PAGE2B: variants seen among roughly 807,000 people sequenced by gnomAD.
PAGE2B encodes putative G antigen family E member 3.
PAGE2B carries 5 observed loss-of-function variants against 7.6 expected under a neutral mutation model. The ratio of observed to expected loss-of-function variants is 0.66; its 90% confidence interval spans 0.34 to 1.38. The LOEUF is 1.38. Ranked by LOEUF, PAGE2B falls within the 40% of genes most tolerant of loss-of-function variation. PAGE2B has a pLI of 0.04. For missense variants in PAGE2B, 70 were observed against 78.4 expected, an observed-to-expected ratio of 0.89 and a Z score of 0.41; for synonymous variants, 29 against 26.7, an observed-to-expected ratio of 1.09 and a Z score of -0.27.
At chrX:55,068,172 G>T in the PAGE2B span, among the ~76,000 whole-genome samples, 1 of 112,339 alleles carries the variant, frequency 8.9e-6, no homozygotes, top group African/African-American at 3.2e-5. Flanking sequence ...CTTTCTTCTA[G>T]GGTTTTTATG....
the PAGE2B span, among the ~76,000 whole-genome samples, chrX:55,040,148 T>A: frequency 9.1e-6 from 1 of 110,400 alleles, no homozygotes; most frequent in African/African-American, 3.3e-5. Flanking sequence ...CTCTTTTTTT[T>A]AATTATTATT....
At chrX:55,038,866 A>T in the PAGE2B span, among the ~76,000 whole-genome samples, 7 of 112,094 alleles carry the variant, frequency 6.2e-5, no homozygotes, top group Non-Finnish European at 1.1e-4. Flanking sequence ...GTCAAATAAA[A>T]TATAGAGACA....
chrX:55,052,550 A>T, the PAGE2B span, among the ~76,000 whole-genome samples: 1 of 112,172 alleles, frequency 8.9e-6, no homozygotes, highest in African/African-American at 3.2e-5. Context: ...TTGCAGTTTG[A>T]TCTCAGATTG....
At chrX:55,076,966 G>A (rs1052910935) in intron 3 of PAGE2B, among the ~76,000 whole-genome samples, 5 of 111,193 alleles carry the variant, frequency 4.5e-5, no homozygotes, top group Non-Finnish European at 9.4e-5. Flanking sequence ...TGTTGCTGTG[G>A]AAGAATGGCA....
At chrX:55,070,645 C>G (rs1167916814), upstream of PAGE2B, among the ~76,000 whole-genome samples, 1 of 111,117 alleles carries the variant, frequency 9.0e-6, no homozygotes, top group Middle Eastern at 4.2e-3. Flanking sequence ...TTAAAGTCTC[C>G]CATTATTATT....
chrX:55,063,303 C>T, the PAGE2B span, among the ~76,000 whole-genome samples: 1 of 110,835 alleles, frequency 9.0e-6, no homozygotes, highest in Admixed American at 9.6e-5. Flanking sequence ...TAAGCAAATT[C>T]CTAGTATTGT....
At chrX:55,029,508 T>C in the PAGE2B span, among the ~76,000 whole-genome samples, 2 of 111,935 alleles carry the variant, frequency 1.8e-5, no homozygotes, top group Admixed American at 1.9e-4. Flanking sequence ...TTAACCATTA[T>C]GGATCTGTGA....
the PAGE2B span, among the ~76,000 whole-genome samples, chrX:55,047,926 T>C: frequency 8.9e-6 from 1 of 112,153 alleles, no homozygotes; most frequent in African/African-American, 3.2e-5. Flanking sequence ...CTAGGTTTTC[T>C]TCTAGGGTTT....
chrX:55,039,255 T>C, the PAGE2B span, among the ~76,000 whole-genome samples: 1 of 111,203 alleles, frequency 9.0e-6, no homozygotes, highest in Non-Finnish European at 1.9e-5. Context: ...TCTGTTTTAG[T>C]TGGGTATGAC....
the PAGE2B span, among the ~76,000 whole-genome samples, chrX:55,064,101 T>A: frequency 6.3e-5 from 7 of 111,711 alleles, no homozygotes; most frequent in Non-Finnish European, 1.3e-4. Flanking sequence ...TCTCTCCTCC[T>A]CTATTTTTTG....
the PAGE2B span, among the ~76,000 whole-genome samples, chrX:55,036,031 G>C: frequency 9.0e-5 from 10 of 111,626 alleles, no homozygotes. Flanking sequence ...TTGTAAGCTG[G>C]ATTCCTAGGT....
chrX:55,061,526 G>C, the PAGE2B span, among the ~76,000 whole-genome samples: 3 of 111,213 alleles, frequency 2.7e-5, no homozygotes, highest in Non-Finnish European at 5.7e-5. Flanking sequence ...GGCATGCAAA[G>C]TGTAATAATC....
chrX:55,068,850 G>A, the PAGE2B span, among the ~76,000 whole-genome samples: 1 of 111,366 alleles, frequency 9.0e-6, no homozygotes, highest in African/African-American at 3.3e-5. Flanking sequence ...GTCTGTTATT[G>A]GTGTATAGGA....
At chrX:55,037,252 G>C in the PAGE2B span, among the ~76,000 whole-genome samples, 3 of 111,949 alleles carry the variant, frequency 2.7e-5, no homozygotes, top group Admixed American at 2.8e-4. Context: ...GATATGAACA[G>C]ACACTTCTCA....
chrX:55,055,054 C>T, the PAGE2B span: 1 of 111,251 alleles, frequency 9.0e-6, no homozygotes, highest in Non-Finnish European at 1.9e-5. Context: ...TGTGTTGGTT[C>T]ATATAAAATC....
the PAGE2B span, among the ~76,000 whole-genome samples, chrX:55,041,078 CTTTTTTT>C: frequency 3.7e-5 from 3 of 82,131 alleles, no homozygotes; most frequent in South Asian, 5.9e-4. Context: ...TTCAATAATT[CTTTTTTT>C]TTTTTTTTTT....
At chrX:55,029,128 C>T in the PAGE2B span, among the ~76,000 whole-genome samples, 1 of 111,469 alleles carries the variant, frequency 9.0e-6, no homozygotes, top group Non-Finnish European at 1.9e-5. Context: ...CTCCATTTCC[C>T]ATGTAGAAAA....
chrX:55,053,218 C>G, the PAGE2B span, among the ~76,000 whole-genome samples: 5 of 111,706 alleles, frequency 4.5e-5, no homozygotes, highest in East Asian at 1.4e-3. Flanking sequence ...ATGTCCTTTG[C>G]AGGAACACAA....
At position 55,076,071 on chromosome X, in the gene PAGE2B, A is replaced by G. The variant is rs746539955; in HGVS notation, c.30A>G (p.Gln10=). ...GTGAGCATGTGAGAACAAGATCCCA[A>G]TCCTCAGAAAGAGGAAATGACCAAG... MSEHVRTRS[Q]SSERGNDQES... Residue 10 remains glutamine (Q), a synonymous_variant, in exon 2 of 5, where the codon CAA becomes CAG. Transcript: ENST00000374971. The G allele has an allele frequency of 3.3e-6, 4 of 1,208,463 alleles. No individual in the cohort carries two copies. The highest frequency in any genetic ancestry group is 4.5e-6 in the Non-Finnish European group (4 of 894,212).
Sources: allele counts gnomAD v4.1 joint callset (sites outside exome capture counted in the v4.1 genomes callset), GRCh38; gene constraint gnomAD v4.1.1; transcripts MANE v1.5; gene names NCBI Gene and HGNC (gene_info 2026-07-23, HGNC 2026-07-21).